ARRB1: variants seen among roughly 807,000 people sequenced by gnomAD.
ARRB1 encodes the protein beta-arrestin-1.
In ARRB1, 21 loss-of-function variants were observed where a neutral mutation model predicts 56.8. The observed-to-expected ratio is 0.37, with a 90% CI of 0.26 to 0.53. The LOEUF is 0.53. Ranked by LOEUF, ARRB1 falls within the 20% of genes least tolerant of loss-of-function variation. ARRB1 has a pLI of 0.88. For missense variants in ARRB1, 424 were observed against 553.7 expected (o/e 0.77, Z 2.35); for synonymous variants, 210 against 218.6 (o/e 0.96, Z 0.35).
chr11:75,300,955 G>A (rs1462218894), intron 1 of ARRB1, among the ~76,000 whole-genome samples: 11 of 127,706 alleles, frequency 8.6e-5, no homozygotes, highest in African/African-American at 3.2e-4. Flanking sequence ...GCGACAGAGC[G>A]AGACTCCGTC....
At chr11:75,324,235 C>A (rs1947393147) in intron 1 of ARRB1, among the ~76,000 whole-genome samples, 4 of 152,226 alleles carry the variant, frequency 2.6e-5, no homozygotes, top group Admixed American at 2.6e-4. Context: ...CGCCCTCCCC[C>A]CAGGTCTAGG....
intron 1 of ARRB1, among the ~76,000 whole-genome samples, chr11:75,312,908 C>A (rs2140485277): frequency 6.6e-6 from 1 of 152,354 alleles, no homozygotes; most frequent in Non-Finnish European, 1.5e-5. Flanking sequence ...CATTTCAGGA[C>A]TTTGGACCTC....
At chr11:75,306,795 C>T (rs982739672) in intron 1 of ARRB1, 18 of 702,722 alleles carry the variant, frequency 2.6e-5, no homozygotes, top group African/African-American at 9.5e-5. Context: ...CCGGGCTTCT[C>T]GGGCCATGGA....
intron 6 of ARRB1, 84 bp downstream of exon 6, chr11:75,281,878 C>G: frequency 1.4e-6 from 2 of 1,410,052 alleles, no homozygotes; most frequent in Non-Finnish European, 2.0e-6. Flanking sequence ...TCCTGTGTGT[C>G]CAGCACCTCC....
intron 1 of ARRB1, among the ~76,000 whole-genome samples, chr11:75,314,560 C>T (rs1947228671): frequency 6.6e-6 from 1 of 152,180 alleles, no homozygotes; most frequent in Non-Finnish European, 1.5e-5. Context: ...GGATCTGCCA[C>T]TCACTAGCTG....
At chr11:75,308,130 C>T (rs1235261030) in intron 1 of ARRB1, among the ~76,000 whole-genome samples, 10 of 152,382 alleles carry the variant, frequency 6.6e-5, no homozygotes, top group Non-Finnish European at 1.5e-4. Context: ...GCCCAAGCAA[C>T]TTCCACAGTC....
At chr11:75,327,301 CAAAAAAAAAAA>C (rs777940901) in intron 1 of ARRB1, among the ~76,000 whole-genome samples, 3 of 60,270 alleles carry the variant, frequency 5.0e-5, no homozygotes, top group South Asian at 8.8e-4. Context: ...AACTCCATCT[CAAAAAAAAAAA>C]AAAAAAAAAA....
Position 75,338,550 on chromosome 11 carries a change from G to A in ARRB1, c.20+13038C>T, listed in dbSNP as rs1387595710. Among the ~76,000 whole-genome samples the A allele has an allele frequency of 3.3e-5, 5 of 152,144 alleles. No homozygotes were observed. In the East Asian group the frequency reaches 9.6e-4, roughly 29 times the overall value. On this transcript the variant is annotated intron_variant, in intron 1 of 15. Transcript: ENST00000420843. ...AGTGTACAGAAACTCAGGTCTTTCTGTACACTGGGTCAGGGCTCAGTGTGG... is the reference window on the plus strand; with the variant it reads ...AGTGTACAGAAACTCAGGTCTTTCTATACACTGGGTCAGGGCTCAGTGTGG...
At chr11:75,276,469 G>A (rs1223561211) in intron 10 of ARRB1, among the ~76,000 whole-genome samples, 1 of 152,114 alleles carries the variant, frequency 6.6e-6, no homozygotes, top group Non-Finnish European at 1.5e-5. Context: ...TGTGTACCTA[G>A]TGCCTTACCC....
intron 1 of ARRB1, among the ~76,000 whole-genome samples, chr11:75,327,158 T>C (rs61895988): frequency 0.6 from 90,752 of 150,568 alleles, 27,905 homozygotes; most frequent in African/African-American, 0.73. Flanking sequence ...AAAAATTAGC[T>C]GGGCGCAGTG....
chr11:75,282,051 T>C, intron 5 of ARRB1, 30 bp from the exon 6 acceptor site: 1 of 1,611,344 alleles, frequency 6.2e-7, no homozygotes, highest in South Asian at 1.1e-5. Context: ...ACGAGCCACC[T>C]GTCACATCCA....
chr11:75,275,123 A>ATTTATTTTATTTTAT (rs71036039), intron 10 of ARRB1, among the ~76,000 whole-genome samples: 18,593 of 137,892 alleles, frequency 0.13, 1,464 homozygotes, highest in Middle Eastern at 0.17. Context: ...TTTAATTTAA[A>ATTTATTTTATTTTAT]TTTATTTTAT....
At chr11:75,296,378 C>T (rs1264939018) in intron 1 of ARRB1, among the ~76,000 whole-genome samples, 1 of 152,126 alleles carries the variant, frequency 6.6e-6, no homozygotes, top group African/African-American at 2.4e-5. Flanking sequence ...TGGATGCTGT[C>T]TTCTGATTCC....
At chr11:75,293,119 A>G (rs756329710) in intron 1 of ARRB1, among the ~76,000 whole-genome samples, 13 of 152,114 alleles carry the variant, frequency 8.5e-5, no homozygotes, top group Admixed American at 2.0e-4. Flanking sequence ...GCAGTGGGGA[A>G]TGACCTGCTG....
At chr11:75,335,687 G>A (rs577265592) in intron 1 of ARRB1, among the ~76,000 whole-genome samples, 47 of 152,278 alleles carry the variant, frequency 3.1e-4, no homozygotes, top group African/African-American at 1.1e-3. Context: ...TGTGATCCTG[G>A]GGCACAACCC....
intron 3 of ARRB1, among the ~76,000 whole-genome samples, chr11:75,284,588 A>C (rs1676884): frequency 0.92 from 139,487 of 152,222 alleles, 64,008 homozygotes; most frequent in Non-Finnish European, 0.92. Flanking sequence ...ATTCTTTGGA[A>C]TTTAGAAATT....
intron 1 of ARRB1, among the ~76,000 whole-genome samples, chr11:75,300,967 C>CAA (rs149559322): frequency 0.13 from 9,761 of 76,490 alleles, 665 homozygotes; most frequent in Non-Finnish European, 0.17. Flanking sequence ...GACTCCGTCT[C>CAA]AAAAAAAAAA....
At chr11:75,296,898 G>A (rs955637507) in intron 1 of ARRB1, among the ~76,000 whole-genome samples, 1 of 152,036 alleles carries the variant, frequency 6.6e-6, no homozygotes, top group Non-Finnish European at 1.5e-5. Flanking sequence ...GGGTGGTCTC[G>A]AACTTCTAAG....
chr11:75,312,851 G>C (rs1947191318), intron 1 of ARRB1, among the ~76,000 whole-genome samples: 1 of 152,338 alleles, frequency 6.6e-6, no homozygotes, highest in East Asian at 1.9e-4. Context: ...CAGAGGCAAG[G>C]GAATGGATCC....
Sources: allele counts gnomAD v4.1 joint callset (sites outside exome capture counted in the v4.1 genomes callset), GRCh38; gene constraint gnomAD v4.1.1; transcripts MANE v1.5; gene names NCBI Gene and HGNC (gene_info 2026-07-23, HGNC 2026-07-21).